Variants in UNK observed in about 807,000 individuals in gnomAD.
UNK encodes unk zinc finger.
In UNK, 32 loss-of-function variants were observed where a neutral mutation model predicts 97.6. That is an observed-to-expected ratio of 0.33 (90% CI 0.25 to 0.44). The LOEUF (loss-of-function observed/expected upper bound fraction) is 0.44, where lower values mean the gene tolerates loss of function less well. UNK is among the 20% of genes least tolerant of loss of function. The pLI, the probability that UNK is intolerant of heterozygous loss-of-function variation, is 1.00. For synonymous variants in UNK, 441 were observed against 461.2 expected, an observed-to-expected ratio of 0.96 and a Z score of 0.56; for missense variants, 771 against 1,098.4, an observed-to-expected ratio of 0.70 and a Z score of 4.21.
intron 1 of UNK, among the ~76,000 whole-genome samples, chr17:75,805,073 T>C (rs9900933): frequency 0.5 from 74,714 of 147,950 alleles, 22,733 homozygotes; most frequent in African/African-American, 0.87. Flanking sequence ...CCCAGCTACT[T>C]GGGAGGCTGA....
At chr17:75,798,246 T>C (rs1462585512) in intron 1 of UNK, among the ~76,000 whole-genome samples, 1 of 151,970 alleles carries the variant, frequency 6.6e-6, no homozygotes, top group Non-Finnish European at 1.5e-5. Flanking sequence ...AATTTTTGTA[T>C]TTTTTAGTAG....
In UNK at chr17:75,812,098, C is replaced by A; in HGVS notation, c.315-14C>A. 1 of 1,584,332 alleles carries A rather than the reference C, an allele frequency of 6.3e-7. No homozygotes were observed. The highest frequency in any genetic ancestry group is 8.6e-7 in the Non-Finnish European group (1 of 1,161,620). ...AGGCAGCAAAGTTGAGTGACCCCCA[C>A]TACCGTGTTCCAGGTGCCCATTCCT... On this transcript the variant is annotated splice_polypyrimidine_tract_variant and intron_variant, in intron 2 of 15. Coordinates refer to ENST00000589666, the MANE Select transcript of UNK (RefSeq NM_001080419.3).
chr17:75,821,849 C>T (rs747050941), intron 13 of UNK: 5 of 403,782 alleles, frequency 1.2e-5, no homozygotes, highest in African/African-American at 8.2e-5. Flanking sequence ...AGGCTGTGCA[C>T]GCAGCATAGT....
chr17:75,818,544 C>T lies in UNK; in HGVS notation c.1372-98C>T, dbSNP rs953448275. On this transcript the variant is annotated intron_variant, in intron 10 of 15. Coordinates refer to ENST00000589666, the MANE Select transcript of UNK (RefSeq NM_001080419.3). This position sits in a 1 kb window ranked among gnomAD's most constrained non-coding sequence, Gnocchi z 5.1. Reference sequence around the variant, plus strand: ...GGGGGCACCCGGACTAGAGCTAGCACGGGCCATTTCCCTTGCCCCCAGCCC... The same window carrying T: ...GGGGGCACCCGGACTAGAGCTAGCATGGGCCATTTCCCTTGCCCCCAGCCC... The T allele has an allele frequency of 2.2e-5, 30 of 1,358,760 alleles. No homozygotes were observed. Among genetic ancestry groups the T allele is most frequent in the Non-Finnish European group, 2.8e-5 (28 of 1,007,948 alleles). 84.2% of individuals were successfully genotyped at this position (1,358,760 alleles called of 1,614,324 possible).
chr17:75,815,285 C>T lies in UNK; in HGVS notation c.961+32C>T, dbSNP rs1567806423. On this transcript the variant is annotated intron_variant, in intron 7 of 15. Transcript: ENST00000589666. ...TGTTCCCATTGCCCCGGGGCAGTGC[C>T]CTCTCCCACCCCTCCCTCGCCTGGC... 2.5e-6 allele frequency: 4 copies of T among 1,583,864 alleles called. No homozygotes were observed. The Admixed American group carries it at 5.1e-5, about 20-fold the overall frequency.
Position 75,818,504 on chromosome 17 carries a change from G to A in UNK, c.1372-138G>A. 3 of 1,008,258 alleles carry A rather than the reference G, an allele frequency of 3.0e-6. No homozygotes were observed. The highest frequency in any genetic ancestry group is 1.4e-6 in the Non-Finnish European group (1 of 708,286). 62.5% of individuals were successfully genotyped at this position (1,008,258 alleles called of 1,614,324 possible). On this transcript the variant is annotated intron_variant, in intron 10 of 15. Coordinates refer to ENST00000589666, the MANE Select transcript of UNK (RefSeq NM_001080419.3). This position sits in a 1 kb window ranked among gnomAD's most constrained non-coding sequence, Gnocchi z 5.1. ...CTCAACAAGGTGTCGGGTGTGCCGG[G>A]GCCCATGTGGGCATGGGGGCACCCG...
intron 14 of UNK, 133 bp downstream of exon 14, chr17:75,822,791 G>A (rs1106343): frequency 0.2 from 230,003 of 1,165,230 alleles, 25,609 homozygotes; most frequent in African/African-American, 0.46. Context: ...AGTTTTGTTC[G>A]CTCGCTCTCC....
intron 1 of UNK, among the ~76,000 whole-genome samples, chr17:75,798,928 G>T (rs975388985): frequency 6.6e-6 from 1 of 152,066 alleles, no homozygotes; most frequent in Admixed American, 6.5e-5. Flanking sequence ...TTAGCCAGGC[G>T]TGGTGGCGGG....
intron 1 of UNK, among the ~76,000 whole-genome samples, chr17:75,793,033 T>G (rs912950560): frequency 2.6e-5 from 4 of 152,234 alleles, no homozygotes; most frequent in Non-Finnish European, 5.9e-5. Context: ...AATGCCGCCA[T>G]GTTATAAGTC....
Position 75,819,269 on chromosome 17 carries a change from A to C in UNK, c.1547-415A>C. The stretch of plus-strand genomic sequence containing the variant: ...TGACAACATGCTGCTCCTGCCCTCT[A>C]GAGGGAAACTTCCCACCCAGTGGAC... On this transcript the variant is annotated intron_variant, in intron 11 of 15. Transcript: ENST00000589666. The surrounding 1 kb of genome is among the most constrained non-coding windows in gnomAD (Gnocchi z 5.4). 1 of 242,830 alleles carries C rather than the reference A, an allele frequency of 4.1e-6. No individual in the cohort carries two copies. The highest frequency in any genetic ancestry group is 7.9e-6 in the Non-Finnish European group (1 of 126,120). 15.0% of individuals were successfully genotyped at this position (242,830 alleles called of 1,614,324 possible).
Position 75,812,212 on chromosome 17 carries a change from A to C in UNK, c.415A>C (p.Asn139His). The change falls in exon 3 of 16, where the codon AAC becomes CAC. Residue 139 changes from asparagine (N) to histidine (H), a missense_variant. Physicochemically the swap from Asn to His is moderately conservative, Grantham distance 68. Transcript: ENST00000589666. ...CATCCACGAGACAGACTCGAAAGGCAACTGCACCAAAAACGGCCTGCACTG... is the reference window on the plus strand; with the variant it reads ...CATCCACGAGACAGACTCGAAAGGCCACTGCACCAAAAACGGCCTGCACTG... ...ICIHETDSKG[N>H]CTKNGLHCAF... The C allele has an allele frequency of 1.2e-6, 2 of 1,614,022 alleles. No individual in the cohort carries two copies. The highest frequency in any genetic ancestry group is 1.7e-6 in the Non-Finnish European group (2 of 1,179,894).
At chr17:75,812,421 T>C (rs1226886384) in intron 3 of UNK, 34 bp from the exon 4 acceptor site, 1 of 1,599,150 alleles carries the variant, frequency 6.3e-7, no homozygotes, top group Admixed American at 1.7e-5. Flanking sequence ...TCATGCCCCC[T>C]CTCCACCCTC....
chr17:75,789,182 G>A (rs1319865161), intron 1 of UNK, among the ~76,000 whole-genome samples: 3 of 152,118 alleles, frequency 2.0e-5, no homozygotes, highest in Non-Finnish European at 4.4e-5. Flanking sequence ...GCAAATTGGT[G>A]TAGCAGGCAC....
chr17:75,815,203 A>T lies in UNK; in HGVS notation c.911A>T (p.Gln304Leu), dbSNP rs1468270315. ...YKSTKCNDMQQSGSCPRGPFC... is the reference protein window; with the variant it reads ...YKSTKCNDMQLSGSCPRGPFC... Reference sequence around the variant, plus strand: ...TCCACCAAGTGCAACGACATGCAGCAGTCGGGCAGCTGTCCCCGAGGACCC... The same window carrying T: ...TCCACCAAGTGCAACGACATGCAGCTGTCGGGCAGCTGTCCCCGAGGACCC... The change falls in exon 7 of 16, where the codon CAG (glutamine) becomes CTG (leucine). Residue 304 changes from glutamine (Q) to leucine (L), a missense_variant. By Grantham distance (113) the Gln-to-Leu change is moderately radical (BLOSUM62 -2). Transcript: ENST00000589666. 1 of 1,613,620 alleles carries T rather than the reference A, an allele frequency of 6.2e-7. No individual in the cohort carries two copies. The highest frequency in any genetic ancestry group is 1.1e-5 in the South Asian group (1 of 91,086).
intron 7 of UNK, 41 bp downstream of exon 7, chr17:75,815,294 C>CCCTGGCTAGCT (rs2062007186): frequency 6.4e-7 from 1 of 1,572,816 alleles, no homozygotes; most frequent in African/African-American, 1.3e-5. Flanking sequence ...CCCTCTCCCA[C>CCCTGGCTAGCT]CCCTCCCTCG....
intron 1 of UNK, among the ~76,000 whole-genome samples, chr17:75,786,128 A>G (rs1414540016): frequency 6.6e-6 from 1 of 152,236 alleles, no homozygotes; most frequent in East Asian, 1.9e-4. Flanking sequence ...GGCTGAAATC[A>G]TTTAAGCTTC....
At chr17:75,823,546 G>A (rs1481286337) in intron 15 of UNK, 24 bp downstream of exon 15, 1 of 1,516,826 alleles carries the variant, frequency 6.6e-7, no homozygotes, top group South Asian at 1.3e-5. Flanking sequence ...GGGGAGCACT[G>A]GGTGGGATGC....
At chr17:75,789,986 A>G (rs1192854147) in intron 1 of UNK, among the ~76,000 whole-genome samples, 1 of 102,020 alleles carries the variant, frequency 9.8e-6, no homozygotes, top group Non-Finnish European at 2.6e-5. Context: ...TACTAAAAAT[A>G]CAAAAAAATA....
Position 75,824,538 on chromosome 17 carries a change from A to G in UNK, c.*121A>G, listed in dbSNP as rs2062101322. The G allele has an allele frequency of 1.3e-6, 1 of 770,094 alleles. No homozygotes were observed. Among genetic ancestry groups the G allele is most frequent in the South Asian group, 6.4e-5 (1 of 15,630 alleles). The allele number at this position is 770,094 out of a possible 1,614,324, so 47.7% of individuals were successfully genotyped here. On this transcript the variant is annotated 3_prime_UTR_variant, in exon 16 of 16. Transcript: ENST00000589666. The surrounding 1 kb of genome is among the most constrained non-coding windows in gnomAD (Gnocchi z 4.9). ...TGTATGTATATGTATATGATTATGT[A>G]TATGTATACATTTCCGTATGTATGT...
Sources: gnomAD v4.1 joint callset for allele counts (sites outside exome capture counted in the v4.1 genomes callset) on GRCh38, gnomAD v4.1.1 for gene constraint, Gnocchi (gnomAD v3.1) non-coding constraint, MANE v1.5 for transcripts, NCBI Gene and HGNC (gene_info 2026-07-23, HGNC 2026-07-21) for gene names.